The following FGGY variants were observed in gnomAD, a reference collection of about 807,000 sequenced individuals.
The protein encoded by FGGY is FGGY carbohydrate kinase domain containing.
FGGY carries 72 observed loss-of-function variants against 71.3 expected under a neutral mutation model. The ratio of observed to expected loss-of-function variants is 1.01; its 90% CI spans 0.84 to 1.23. The LOEUF is 1.23. FGGY is among the 50% of genes most tolerant of loss of function. The pLI is 0.00. For missense variants in FGGY, 668 were observed against 682.3 expected (o/e 0.98, Z 0.23); for synonymous variants, 251 against 250.3 (o/e 1.00, Z -0.02).
intron 7 of FGGY, among the ~76,000 whole-genome samples, chr1:59,542,628 G>A: frequency 6.6e-6 from 1 of 151,518 alleles, no homozygotes; most frequent in East Asian, 1.9e-4. Context: ...GGCTAATTTT[G>A]TATTTTTAGT....
rs78430771 is a variant in FGGY, at chr1:59,634,875, T to A, written c.1074-3353T>A. ...GCTCAGAGAGGGTTTGCCTACCTGA[T>A]CATCCAGCTGGTACGTGGTAAAGTC... On this transcript the variant is annotated intron_variant, in intron 10 of 15. Transcript: ENST00000303721. Among the ~76,000 whole-genome samples, 75 of 152,252 alleles carry A rather than the reference T, an allele frequency of 4.9e-4. 1 individual carries two copies. In the East Asian group the frequency reaches 0.013, roughly 27 times the overall value.
intron 5 of FGGY, among the ~76,000 whole-genome samples, chr1:59,404,449 A>G (rs995091628): frequency 1.3e-5 from 2 of 152,230 alleles, no homozygotes; most frequent in Admixed American, 1.3e-4. Context: ...AGACTACTAA[A>G]TAAATCAAAA....
chr1:59,653,355 G>A (rs1227610205), intron 11 of FGGY, among the ~76,000 whole-genome samples: 2 of 152,280 alleles, frequency 1.3e-5, no homozygotes, highest in African/African-American at 4.8e-5. Flanking sequence ...CCCCAGCCTT[G>A]CTGCCGCCTT....
chr1:59,669,767 G>C (rs1403917153), intron 13 of FGGY, among the ~76,000 whole-genome samples: 1 of 152,074 alleles, frequency 6.6e-6, no homozygotes, highest in Admixed American at 6.6e-5. Flanking sequence ...GTCAGCTTTG[G>C]AGAACACAGT....
chr1:59,321,896 C>T (rs960979844), intron 2 of FGGY, 146 bp downstream of exon 2: 8 of 721,094 alleles, frequency 1.1e-5, no homozygotes, highest in Non-Finnish European at 1.8e-5. Flanking sequence ...AGCTCACAGT[C>T]TACTGGCAGA....
chr1:59,692,772 A>G (rs553628340), intron 14 of FGGY, among the ~76,000 whole-genome samples: 4 of 152,316 alleles, frequency 2.6e-5, no homozygotes, highest in South Asian at 4.1e-4. Flanking sequence ...AGTCTAATTG[A>G]TGGCAGATGT....
chr1:59,648,485 T>C (rs375722181), intron 11 of FGGY, among the ~76,000 whole-genome samples: 6,008 of 130,270 alleles, frequency 0.046, 252 homozygotes, highest in South Asian at 0.19. Flanking sequence ...TGATTTGCAT[T>C]TCTCTGATGG....
chr1:59,420,147 A>G (rs775001537), intron 5 of FGGY, among the ~76,000 whole-genome samples: 1 of 152,206 alleles, frequency 6.6e-6, no homozygotes, highest in Non-Finnish European at 1.5e-5. Context: ...ACAAGGCAGA[A>G]TTGTACCTTA....
chr1:59,627,454 TTATATATATATATA>T (rs60500862), intron 10 of FGGY, among the ~76,000 whole-genome samples: 26 of 97,332 alleles, frequency 2.7e-4, no homozygotes, highest in Admixed American at 1.5e-3. Flanking sequence ...ACTTATGATT[TTATATATATATATA>T]TATATATATA....
At chr1:59,541,872 T>C (rs576964498) in intron 7 of FGGY, among the ~76,000 whole-genome samples, 28 of 152,344 alleles carry the variant, frequency 1.8e-4, no homozygotes, top group African/African-American at 6.7e-4. Flanking sequence ...TGTGATCATG[T>C]GTCAGTTACT....
At chr1:59,406,998 G>T (rs1233974096) in intron 5 of FGGY, among the ~76,000 whole-genome samples, 2 of 152,160 alleles carry the variant, frequency 1.3e-5, no homozygotes, top group Non-Finnish European at 2.9e-5. Context: ...GTTACAGGGG[G>T]TTGACCCCTG....
chr1:59,397,378 G>C (rs186675954), intron 5 of FGGY, among the ~76,000 whole-genome samples: 301 of 152,312 alleles, frequency 2.0e-3, no homozygotes, highest in African/African-American at 6.8e-3. Context: ...AGCAGGTTCA[G>C]ATAACAAACA....
chr1:59,656,241 T>C (rs1256793488), intron 11 of FGGY, among the ~76,000 whole-genome samples: 1 of 152,144 alleles, frequency 6.6e-6, no homozygotes, highest in Non-Finnish European at 1.5e-5. Context: ...ATAAACACAC[T>C]CCTTCTACTC....
At chr1:59,675,776 G>A (rs2097429924) in intron 14 of FGGY, among the ~76,000 whole-genome samples, 1 of 152,136 alleles carries the variant, frequency 6.6e-6, no homozygotes. Flanking sequence ...GCTTACTAAG[G>A]TTCTGCAGAG....
chr1:59,380,026 A>C (rs957935909), intron 5 of FGGY, among the ~76,000 whole-genome samples: 5 of 151,746 alleles, frequency 3.3e-5, no homozygotes, highest in African/African-American at 4.8e-5. Context: ...ATTCCCACCT[A>C]TGAGTGAGAA....
At chr1:59,747,391 G>A (rs1041974022) in intron 14 of FGGY, among the ~76,000 whole-genome samples, 12 of 152,276 alleles carry the variant, frequency 7.9e-5, no homozygotes, top group Admixed American at 2.0e-4. Context: ...CCCCTGTGCC[G>A]TATTTGCCCA....
rs185739075 is a variant in FGGY at position 59,539,700 on chromosome 1, A to G, written c.800-14424A>G. ...GACTTTGAGATAGACAATTTTCCTAAATAGGACATTAATGTAAGTACAACC... is the reference window on the plus strand; with the variant it reads ...GACTTTGAGATAGACAATTTTCCTAGATAGGACATTAATGTAAGTACAACC... On this transcript the variant is annotated intron_variant, in intron 7 of 15. Transcript: ENST00000303721. Among the ~76,000 whole-genome samples, 49 of 152,318 alleles carry G rather than the reference A, an allele frequency of 3.2e-4. 1 individual carries two copies. Among genetic ancestry groups the G allele is most frequent in the African/African-American group, 9.4e-4 (39 of 41,576 alleles).
At chr1:59,591,925 C>G (rs547185317) in intron 8 of FGGY, among the ~76,000 whole-genome samples, 221 of 152,234 alleles carry the variant, frequency 1.5e-3, no homozygotes, top group Middle Eastern at 6.8e-3. Flanking sequence ...CAACAAAAGC[C>G]AAAATTGACA....
rs191298552 is a variant in FGGY, at chr1:59,669,596, T to C, written c.1417+2193T>C. On this transcript the variant is annotated intron_variant, in intron 13 of 15. Transcript: ENST00000303721. ...TTTTGGTAGAGACAGGGTTTCACCATGTTGGCCAGGCTGGTCTTGAACTCC... is the reference window on the plus strand; with the variant it reads ...TTTTGGTAGAGACAGGGTTTCACCACGTTGGCCAGGCTGGTCTTGAACTCC... 3.4e-3 allele frequency among the ~76,000 whole-genome samples: 505 copies of C among 148,882 alleles called. 8 individuals carry two copies. The highest frequency in any genetic ancestry group is 0.012 in the African/African-American group (481 of 40,326).
Sources: allele counts gnomAD v4.1 joint callset (sites outside exome capture counted in the v4.1 genomes callset), GRCh38; gene constraint gnomAD v4.1.1; transcripts MANE v1.5; gene names NCBI Gene and HGNC (gene_info 2026-07-23, HGNC 2026-07-21).